Variants in CDH8 observed in about 807,000 individuals in gnomAD.
CDH8 encodes cadherin-8.
In CDH8, 17 loss-of-function variants were observed where a neutral mutation model predicts 68.1. That is an observed-to-expected ratio of 0.25 (90% CI 0.17 to 0.37). CDH8 has a LOEUF of 0.37. Ranked by LOEUF, CDH8 falls within the 10% of genes least tolerant of loss-of-function variation. The pLI, the probability that CDH8 is intolerant of heterozygous loss-of-function variation, is 1.00. For synonymous variants in CDH8, 372 were observed against 365.1 expected (o/e 1.02, Z -0.21); for missense variants, 763 against 999.3 (o/e 0.76, Z 3.19).
intron 8 of CDH8, among the ~76,000 whole-genome samples, chr16:61,788,291 C>G (rs1477468584): frequency 1.3e-5 from 2 of 152,064 alleles, no homozygotes; most frequent in African/African-American, 2.4e-5. Flanking sequence ...CCCCTGTTTT[C>G]ACATTAGCTG....
intron 9 of CDH8, chr16:61,725,684 C>T (rs1283797517): frequency 1.3e-5 from 2 of 150,684 alleles, no homozygotes; most frequent in Non-Finnish European, 3.0e-5. Context: ...ACACTCCCTT[C>T]TCAAAGGATC....
chr16:61,949,641 A>G (rs1964857862), intron 2 of CDH8, among the ~76,000 whole-genome samples: 1 of 151,978 alleles, frequency 6.6e-6, no homozygotes, highest in South Asian at 2.1e-4. Flanking sequence ...TGGACACAAC[A>G]TGACATCTAT....
intron 3 of CDH8, among the ~76,000 whole-genome samples, chr16:61,877,753 T>C (rs899015159): frequency 1.3e-5 from 2 of 152,104 alleles, no homozygotes; most frequent in African/African-American, 4.8e-5. Flanking sequence ...TATGTGTGTG[T>C]CTATGTGAAA....
intron 2 of CDH8, among the ~76,000 whole-genome samples, chr16:61,927,760 G>C (rs971182274): frequency 5.3e-5 from 8 of 152,172 alleles, no homozygotes; most frequent in African/African-American, 1.9e-4. Context: ...CAGTAGACAT[G>C]GCATGAGGGG....
intron 4 of CDH8, among the ~76,000 whole-genome samples, chr16:61,826,714 A>C (rs1286883510): frequency 4.6e-5 from 7 of 151,702 alleles, no homozygotes; most frequent in African/African-American, 1.7e-4. Context: ...CAAGTCCCTA[A>C]ATCTTTTGAG....
intron 4 of CDH8, among the ~76,000 whole-genome samples, chr16:61,851,338 T>G (rs921672284): frequency 1.3e-5 from 2 of 151,952 alleles, no homozygotes; most frequent in Non-Finnish European, 2.9e-5. Context: ...AGAAAAATGG[T>G]CTGAGTTTCA....
At chr16:61,741,025 C>T (rs1959860683) in intron 8 of CDH8, among the ~76,000 whole-genome samples, 1 of 152,112 alleles carries the variant, frequency 6.6e-6, no homozygotes, top group African/African-American at 2.4e-5. Flanking sequence ...AAAGATCAAG[C>T]TGCTGCATAT....
At chr16:61,999,727 T>G (rs568527291) in intron 2 of CDH8, among the ~76,000 whole-genome samples, 11 of 152,204 alleles carry the variant, frequency 7.2e-5, no homozygotes, top group Non-Finnish European at 1.6e-4. Flanking sequence ...GTTTATATTG[T>G]GCTCACTGGG....
intron 7 of CDH8, among the ~76,000 whole-genome samples, chr16:61,790,890 T>C (rs1961362889): frequency 6.6e-6 from 1 of 151,978 alleles, no homozygotes; most frequent in African/African-American, 2.4e-5. Flanking sequence ...GATATATTAA[T>C]GGATTTTTCC....
chr16:61,801,497 A>C (rs1419068452), intron 7 of CDH8, among the ~76,000 whole-genome samples: 3 of 152,212 alleles, frequency 2.0e-5, no homozygotes, highest in African/African-American at 7.2e-5. Context: ...TCCGGTCTAC[A>C]GCTCCCAGCG....
At chr16:61,903,931 G>T (rs968395248) in intron 2 of CDH8, among the ~76,000 whole-genome samples, 3 of 148,228 alleles carry the variant, frequency 2.0e-5, no homozygotes, top group Non-Finnish European at 3.0e-5. Flanking sequence ...TTCAAAAACA[G>T]CTTTTAAATA....
At chr16:61,911,856 T>G (rs974130859) in intron 2 of CDH8, among the ~76,000 whole-genome samples, 1 of 152,038 alleles carries the variant, frequency 6.6e-6, no homozygotes, top group African/African-American at 2.4e-5. Flanking sequence ...ATATGGATAT[T>G]TAACACAGAT....
chr16:61,727,433 T>G (rs1425680877), intron 8 of CDH8, among the ~76,000 whole-genome samples: 1 of 151,230 alleles, frequency 6.6e-6, no homozygotes, highest in Middle Eastern at 3.4e-3. Flanking sequence ...TTTGCTGAGT[T>G]TAGCTTGATA....
intron 8 of CDH8, among the ~76,000 whole-genome samples, chr16:61,757,159 T>C (rs1021602023): frequency 4.6e-5 from 7 of 152,166 alleles, no homozygotes; most frequent in African/African-American, 1.7e-4. Context: ...AAAAAAGTTT[T>C]AGTGGATTTA....
At chr16:61,666,800 G>C (rs1249472829) in intron 10 of CDH8, among the ~76,000 whole-genome samples, 1 of 151,898 alleles carries the variant, frequency 6.6e-6, no homozygotes, top group African/African-American at 2.4e-5. Context: ...TTATCACCGT[G>C]TTGTGTCTGT....
intron 2 of CDH8, among the ~76,000 whole-genome samples, chr16:61,937,452 A>G (rs1156957340): frequency 1.3e-5 from 2 of 152,184 alleles, no homozygotes; most frequent in Non-Finnish European, 2.9e-5. Context: ...AGAGATTACA[A>G]GTCTTAATGC....
chr16:61,966,638 T>C (rs1177284434), intron 2 of CDH8, among the ~76,000 whole-genome samples: 1 of 152,228 alleles, frequency 6.6e-6, no homozygotes, highest in Non-Finnish European at 1.5e-5. Flanking sequence ...ATTAGCTTAA[T>C]ATCACAGAAT....
chr16:61,958,133 T>A (rs1965017277), intron 2 of CDH8, among the ~76,000 whole-genome samples: 1 of 152,122 alleles, frequency 6.6e-6, no homozygotes, highest in Non-Finnish European at 1.5e-5. Context: ...TCAAACCCTG[T>A]GGATGATTAG....
chr16:61,740,134 C>T (rs554021185), intron 8 of CDH8, among the ~76,000 whole-genome samples: 1 of 151,784 alleles, frequency 6.6e-6, no homozygotes, highest in South Asian at 2.1e-4. Flanking sequence ...TCTCGATCTC[C>T]TGACCTCGTG....
Sources: gnomAD v4.1 joint callset for allele counts (sites outside exome capture counted in the v4.1 genomes callset) on GRCh38, gnomAD v4.1.1 for gene constraint, MANE v1.5 for transcripts, NCBI Gene and HGNC (gene_info 2026-07-23, HGNC 2026-07-21) for gene names.